The following ZFHX4 variants were observed in gnomAD, a reference collection of about 807,000 sequenced individuals.
ZFHX4 encodes zinc finger homeobox protein 4.
ZFHX4 carries 56 observed loss-of-function variants against 267.6 expected under a neutral mutation model. The ratio of observed to expected loss-of-function variants is 0.21; its 90% confidence interval spans 0.17 to 0.26. The LOEUF (loss-of-function observed/expected upper bound fraction) is 0.26, where lower values mean the gene tolerates loss of function less well. ZFHX4 is among the 10% of genes least tolerant of loss of function. The pLI is 1.00. For synonymous variants in ZFHX4, 1,778 were observed against 1,665.6 expected (o/e 1.07, Z -1.64); for missense variants, 4,332 against 4,420.0 (o/e 0.98, Z 0.56).
chr8:76,829,731 G>A (rs1369372155), intron 4 of ZFHX4, among the ~76,000 whole-genome samples: 1 of 152,060 alleles, frequency 6.6e-6, no homozygotes, highest in East Asian at 1.9e-4. Flanking sequence ...ATTGCTTCAT[G>A]AACCGGGACC....
rs188120644 is a variant in ZFHX4, at chr8:76,864,337, C to G, written c.10623C>G (p.Pro3541=). ...CGTCTGCCAGGAGAGCTGCTTCTCC[C>G]CCTTCTTCTCCTCCTTCCCTTTCCT... ...FQASARRAAS[P]PSSPPSLSLP... Residue 3541 remains proline, a synonymous_variant, in exon 11 of 11, where the codon CCC becomes CCG. Coordinates refer to ENST00000651372, the MANE Select transcript of ZFHX4 (RefSeq NM_024721.5). The G allele has an allele frequency of 1.3e-4, 209 of 1,613,814 alleles. 1 individual carries two copies. The African/African-American group carries it at 2.6e-3, about 20-fold the overall frequency.
chr8:76,845,859 A>G (rs1014555803), intron 6 of ZFHX4, among the ~76,000 whole-genome samples: 3 of 151,930 alleles, frequency 2.0e-5, no homozygotes, highest in African/African-American at 7.2e-5. Context: ...GCTTATTTGT[A>G]ATTAGACTTC....
Position 76,781,590 on chromosome 8 carries a change from G to A in ZFHX4, c.3325+3151G>A, listed in dbSNP as rs926017382. Among the ~76,000 whole-genome samples the A allele has an allele frequency of 2.6e-5, 4 of 152,142 alleles. No individual in the cohort carries two copies. The East Asian group carries it at 5.8e-4, about 22-fold the overall frequency. On this transcript the variant is annotated intron_variant, in intron 4 of 10. Transcript: ENST00000651372. ...GCATTGTGGATGCATAATTTGGGTG[G>A]AAGATTTTTTGACCTATTAACTTTT...
chr8:76,756,918 TC>T (rs1455928239), intron 3 of ZFHX4, among the ~76,000 whole-genome samples: 1 of 152,152 alleles, frequency 6.6e-6, no homozygotes, highest in Non-Finnish European at 1.5e-5. Context: ...CTATTATATA[TC>T]CCCAAATTAA....
At chr8:76,800,048 C>T (rs768568821) in intron 4 of ZFHX4, among the ~76,000 whole-genome samples, 2 of 151,826 alleles carry the variant, frequency 1.3e-5, no homozygotes, top group African/African-American at 2.4e-5. Context: ...GCGCGTGTGT[C>T]AGAAAGAGCG....
chr8:76,682,100 C>T (rs1807546879), intron 1 of ZFHX4, among the ~76,000 whole-genome samples: 1 of 151,878 alleles, frequency 6.6e-6, no homozygotes, highest in Non-Finnish European at 1.5e-5. Flanking sequence ...GCGGGCACTG[C>T]CAGGGGTCTC....
chr8:76,867,145 T>C lies in ZFHX4; in HGVS notation c.*2580T>C, dbSNP rs560103108. The C allele has an allele frequency of 3.3e-4, 50 of 152,774 alleles. No homozygotes were observed. The highest frequency in any genetic ancestry group is 1.2e-3 in the African/African-American group (50 of 41,588). The allele number at this position is 152,774 out of a possible 1,614,324, so 9.5% of individuals were successfully genotyped here. ...TAAATAACATGGTTTTGAAAACTTT[T>C]TTTTATTTTGTCACAGACCTGTTGT... On this transcript the variant is annotated 3_prime_UTR_variant, in exon 11 of 11. Transcript: ENST00000651372.
chr8:76,684,355 T>A (rs1409594285), intron 1 of ZFHX4, among the ~76,000 whole-genome samples: 1 of 152,248 alleles, frequency 6.6e-6, no homozygotes, highest in Non-Finnish European at 1.5e-5. Flanking sequence ...CCAGCTGTTT[T>A]AACCTCTTGC....
At chr8:76,746,338 G>C (rs1464312344) in intron 3 of ZFHX4, among the ~76,000 whole-genome samples, 1 of 152,182 alleles carries the variant, frequency 6.6e-6, no homozygotes, top group Non-Finnish European at 1.5e-5. Flanking sequence ...CCAGGAGTTT[G>C]AGGCTGCAGT....
intron 4 of ZFHX4, among the ~76,000 whole-genome samples, chr8:76,817,993 GA>G (rs1276744967): frequency 6.6e-6 from 1 of 152,194 alleles, no homozygotes; most frequent in Non-Finnish European, 1.5e-5. Flanking sequence ...GGGGCTGTGA[GA>G]GATAGAAAAG....
At chr8:76,792,648 C>T (rs1032236597) in intron 4 of ZFHX4, among the ~76,000 whole-genome samples, 2 of 152,134 alleles carry the variant, frequency 1.3e-5, no homozygotes, top group African/African-American at 4.8e-5. Context: ...GTTATTTCTT[C>T]CAGGGAGTGC....
intron 4 of ZFHX4, among the ~76,000 whole-genome samples, chr8:76,783,255 A>G (rs1810599889): frequency 6.6e-6 from 1 of 152,182 alleles, no homozygotes; most frequent in African/African-American, 2.4e-5. Flanking sequence ...TATCAAAGGC[A>G]TGTTTTAATG....
intron 3 of ZFHX4, among the ~76,000 whole-genome samples, chr8:76,761,620 C>A (rs1349136398): frequency 6.6e-6 from 1 of 151,990 alleles, no homozygotes; most frequent in East Asian, 1.9e-4. Flanking sequence ...AAAAAGAGAT[C>A]CTTGGACCTC....
At chr8:76,698,231 T>C (rs1040473331) in intron 1 of ZFHX4, among the ~76,000 whole-genome samples, 2 of 152,132 alleles carry the variant, frequency 1.3e-5, no homozygotes, top group Non-Finnish European at 2.9e-5. Context: ...AGTTTGTTTA[T>C]AGAGGGTAGC....
chr8:76,707,045 G>T (rs1808294993), intron 2 of ZFHX4, among the ~76,000 whole-genome samples: 2 of 152,056 alleles, frequency 1.3e-5, no homozygotes, highest in Non-Finnish European at 2.9e-5. Context: ...CTTTAAAAGG[G>T]TATAGCATTA....
intron 3 of ZFHX4, among the ~76,000 whole-genome samples, chr8:76,708,637 G>C (rs947235650): frequency 2.6e-5 from 4 of 151,972 alleles, no homozygotes; most frequent in African/African-American, 4.8e-5. Flanking sequence ...CTCCTAAATG[G>C]GTGTGGTATA....
At position 76,706,056 on chromosome 8, in the gene ZFHX4, G is replaced by A; in HGVS notation, c.1968G>A (p.Gln656=). ...CPKCNWHYKY[Q]QTLEAHMKEK... ...AATGTAACTGGCACTACAAATATCA[G>A]CAGACCCTGGAGGCCCATATGAAGG... Residue 656 remains glutamine, a synonymous_variant, in exon 2 of 11, where the codon CAG becomes CAA. Coordinates refer to ENST00000651372, the MANE Select transcript of ZFHX4 (RefSeq NM_024721.5). 1 of 1,613,732 alleles carries A rather than the reference G, an allele frequency of 6.2e-7. No individual in the cohort carries two copies. Among genetic ancestry groups the A allele is most frequent in the Non-Finnish European group, 8.5e-7 (1 of 1,179,850 alleles).
At position 76,748,693 on chromosome 8, in the gene ZFHX4, C is replaced by T. The variant is rs942087086; in HGVS notation, c.3094-29515C>T. ...TCAAGTGATCCTCCTGCCTCGGCCT[C>T]TCAAAGCGTGTCTTTTCTTTAAAAA... On this transcript the variant is annotated intron_variant, in intron 3 of 10. Transcript: ENST00000651372. Among the ~76,000 whole-genome samples the T allele has an allele frequency of 2.1e-4, 32 of 152,290 alleles. 1 individual carries two copies. The highest frequency in any genetic ancestry group is 3.8e-4 in the Non-Finnish European group (26 of 68,024).
rs779192769 is a variant in ZFHX4 at position 76,855,974 on chromosome 8, C to A, written c.9053C>A (p.Ala3018Asp). ...ECTLCGVKYSARLSIRDHIFS... is the reference protein window; with the variant it reads ...ECTLCGVKYSDRLSIRDHIFS... ...ACCCTCTGCGGGGTGAAGTACTCTG[C>A]CCGCTTGTCCATCAGAGATCACATT... Residue 3018 changes from alanine (A) to aspartate (D), a missense_variant, in exon 10 of 11, where the codon GCC becomes GAC. Coordinates refer to ENST00000651372, the MANE Select transcript of ZFHX4 (RefSeq NM_024721.5). The A allele has an allele frequency of 6.2e-7, 1 of 1,613,948 alleles. No individual in the cohort carries two copies. The highest frequency in any genetic ancestry group is 8.5e-7 in the Non-Finnish European group (1 of 1,179,876).
Sources: gnomAD v4.1 joint callset for allele counts (sites outside exome capture counted in the v4.1 genomes callset) on GRCh38, gnomAD v4.1.1 for gene constraint, MANE v1.5 for transcripts, NCBI Gene and HGNC (gene_info 2026-07-23, HGNC 2026-07-21) for gene names.